FHIT: variants seen among roughly 807,000 people sequenced by gnomAD.
FHIT encodes bis(5'-adenosyl)-triphosphatase.
FHIT carries 19 observed loss-of-function variants against 17.9 expected under a neutral mutation model. The observed-to-expected ratio is 1.06, with a 90% CI of 0.74 to 1.56. FHIT has a LOEUF of 1.56. Among genes scored for constraint, FHIT ranks in the 40% most tolerant of loss-of-function variants. The pLI is 0.00. For missense variants in FHIT, 248 were observed against 189.2 expected (o/e 1.31, Z -1.82); for synonymous variants, 81 against 69.7 (o/e 1.16, Z -0.81).
rs149036876 is a variant in FHIT at position 61,074,728 on chromosome 3, T to C, written c.-163-32629A>G. On this transcript the variant is annotated intron_variant, in intron 2 of 9. Coordinates refer to ENST00000492590, the MANE Select transcript of FHIT (RefSeq NM_002012.4). ...TTCCTAAGTAATGATCAAAGACAAA[T>C]ATTCATTTTGGTGAGCCTTGATCAT... Among the ~76,000 whole-genome samples, 6 of 152,272 alleles carry C rather than the reference T, an allele frequency of 3.9e-5. No individual in the cohort carries two copies. The East Asian group carries it at 1.2e-3, about 29-fold the overall frequency.
chr3:60,556,668 A>G (rs1213140483), intron 4 of FHIT, among the ~76,000 whole-genome samples: 1 of 152,218 alleles, frequency 6.6e-6, no homozygotes, highest in South Asian at 2.1e-4. Flanking sequence ...ACCGCTCAGA[A>G]AACGGTTAGG....
intron 8 of FHIT, among the ~76,000 whole-genome samples, chr3:59,812,974 G>A (rs1357086541): frequency 3.3e-5 from 5 of 151,922 alleles, no homozygotes; most frequent in Non-Finnish European, 7.4e-5. Context: ...GGAAAATTCC[G>A]TGCCCCTGGG....
chr3:61,231,804 A>C (rs2040109401), intron 1 of FHIT, among the ~76,000 whole-genome samples: 1 of 152,252 alleles, frequency 6.6e-6, no homozygotes, highest in East Asian at 1.9e-4. Flanking sequence ...GAAAAAAGAA[A>C]GGCTGAGGCA....
At chr3:60,215,802 G>T (rs1323737074) in intron 5 of FHIT, among the ~76,000 whole-genome samples, 1 of 152,132 alleles carries the variant, frequency 6.6e-6, no homozygotes, top group East Asian at 1.9e-4. Context: ...CACAAAACAT[G>T]TACAGAGCCT....
chr3:60,014,668 G>C (rs953950538), intron 5 of FHIT, among the ~76,000 whole-genome samples: 1 of 152,190 alleles, frequency 6.6e-6, no homozygotes, highest in Non-Finnish European at 1.5e-5. Flanking sequence ...TTTTAAAAGA[G>C]TATAGACATT....
At chr3:61,245,355 T>C (rs6777895) in intron 1 of FHIT, among the ~76,000 whole-genome samples, 31,041 of 151,972 alleles carry the variant, frequency 0.2, 5,284 homozygotes, top group African/African-American at 0.47. Context: ...GTCACACACA[T>C]AGAAAGTAGC....
chr3:61,209,643 G>T (rs532819826), intron 1 of FHIT, among the ~76,000 whole-genome samples: 1 of 152,280 alleles, frequency 6.6e-6, no homozygotes, highest in Admixed American at 6.5e-5. Flanking sequence ...TGGTTCTCGT[G>T]CCTTGGTTTT....
chr3:59,833,874 G>T (rs555036031), intron 8 of FHIT, among the ~76,000 whole-genome samples: 2 of 152,070 alleles, frequency 1.3e-5, no homozygotes, highest in Non-Finnish European at 2.9e-5. Context: ...TAAGTGTATG[G>T]CACTTCCCAC....
At chr3:60,446,275 T>C (rs182671656) in intron 5 of FHIT, among the ~76,000 whole-genome samples, 24 of 152,250 alleles carry the variant, frequency 1.6e-4, no homozygotes, top group East Asian at 1.5e-3. Context: ...GTCTGAGGAT[T>C]TTAAGTAGAA....
At chr3:60,007,337 A>C (rs974410531) in intron 7 of FHIT, among the ~76,000 whole-genome samples, 3 of 152,234 alleles carry the variant, frequency 2.0e-5, no homozygotes, top group Non-Finnish European at 4.4e-5. Context: ...CTTCGTTAGT[A>C]ACACCTGGAA....
At chr3:60,391,398 A>G (rs1559877055) in intron 5 of FHIT, among the ~76,000 whole-genome samples, 2 of 152,156 alleles carry the variant, frequency 1.3e-5, no homozygotes, top group Non-Finnish European at 2.9e-5. Context: ...ATGTTTTTAA[A>G]CAAATTTAGC....
intron 5 of FHIT, among the ~76,000 whole-genome samples, chr3:60,037,285 A>G (rs1701255889): frequency 6.6e-6 from 1 of 152,216 alleles, no homozygotes; most frequent in Non-Finnish European, 1.5e-5. Context: ...TGCTTCAAAA[A>G]AATGTTTTCC....
intron 3 of FHIT, among the ~76,000 whole-genome samples, chr3:60,962,227 G>T (rs1553781223): frequency 1.3e-5 from 2 of 152,154 alleles, no homozygotes; most frequent in African/African-American, 4.8e-5. Context: ...TTGGCTCTCT[G>T]TTTGTCTGTT....
At position 61,067,331 on chromosome 3, in the gene FHIT, A is replaced by G. The variant is rs75920668; in HGVS notation, c.-163-25232T>C. The stretch of plus-strand genomic sequence containing the variant: ...TGATGGTTTGTTACAGAGAAAGGAC[A>G]CAGATTAAAATCAGCAAAGTAAAAA... On this transcript the variant is annotated intron_variant, in intron 2 of 9. Coordinates refer to ENST00000492590, the MANE Select transcript of FHIT (RefSeq NM_002012.4). 1.8e-4 allele frequency among the ~76,000 whole-genome samples: 27 copies of G among 152,320 alleles called. No homozygotes were observed. The East Asian group carries it at 4.6e-3, about 26-fold the overall frequency.
intron 5 of FHIT, among the ~76,000 whole-genome samples, chr3:60,208,910 A>T (rs1231131048): frequency 6.6e-6 from 1 of 152,196 alleles, no homozygotes; most frequent in Non-Finnish European, 1.5e-5. Context: ...TCAAGAGAAC[A>T]TCCACAATAT....
intron 4 of FHIT, among the ~76,000 whole-genome samples, chr3:60,550,977 C>T (rs1037408436): frequency 6.6e-6 from 1 of 152,074 alleles, no homozygotes; most frequent in Admixed American, 6.6e-5. Flanking sequence ...AAGTGGCTGC[C>T]TAAGTGTCAA....
intron 5 of FHIT, among the ~76,000 whole-genome samples, chr3:60,478,132 A>C (rs2107466750): frequency 6.6e-6 from 1 of 152,338 alleles, no homozygotes; most frequent in African/African-American, 2.4e-5. Context: ...GGCACTGGAT[A>C]AGCGCCCTAT....
chr3:59,873,138 T>G (rs1702997334), intron 8 of FHIT, among the ~76,000 whole-genome samples: 1 of 152,200 alleles, frequency 6.6e-6, no homozygotes. Context: ...TACCTCTGGA[T>G]AGTTACAGTG....
intron 2 of FHIT, among the ~76,000 whole-genome samples, chr3:61,121,719 A>G (rs2036462424): frequency 6.6e-6 from 1 of 152,208 alleles, no homozygotes; most frequent in Non-Finnish European, 1.5e-5. Flanking sequence ...TCATAAAGAC[A>G]GGATCAAATT....
Sources: gnomAD v4.1 joint callset for allele counts (sites outside exome capture counted in the v4.1 genomes callset) on GRCh38, gnomAD v4.1.1 for gene constraint, MANE v1.5 for transcripts, NCBI Gene and HGNC (gene_info 2026-07-23, HGNC 2026-07-21) for gene names.